Variants in KANSL1L observed in about 807,000 individuals in gnomAD.
KANSL1L encodes the protein KAT8 regulatory NSL complex subunit 1 like.
In KANSL1L, 25 loss-of-function variants were observed where a neutral mutation model predicts 108.6. That is an observed-to-expected ratio of 0.23 (90% CI 0.17 to 0.32). The LOEUF is 0.32. KANSL1L is among the 10% of genes least tolerant of loss of function. KANSL1L has a pLI of 1.00. For synonymous variants in KANSL1L, 405 were observed against 395.1 expected (o/e 1.03, Z -0.30); for missense variants, 1,137 against 1,125.7 (o/e 1.01, Z -0.14).
Position 210,027,285 on chromosome 2 carries a change from AG to A in KANSL1L, c.2451+10del, listed in dbSNP as rs780809596. 2.5e-6 allele frequency: 4 copies of A among 1,580,418 alleles called. No individual in the cohort carries two copies. The African/African-American group carries it at 5.4e-5, about 21-fold the overall frequency. Reference sequence around the variant, plus strand: ...ATGTGCAATTATCCCATTAAATGAAAGGCAGCTTACCTCTTCTTTGCCTAAA... The same window carrying A: ...ATGTGCAATTATCCCATTAAATGAAAGCAGCTTACCTCTTCTTTGCCTAAA... On this transcript the variant is annotated intron_variant, in intron 12 of 14. Coordinates refer to ENST00000281772, the MANE Select transcript of KANSL1L (RefSeq NM_152519.4).
intron 8 of KANSL1L, chr2:210,035,220 A>T (rs1342990705): frequency 1.3e-5 from 2 of 152,214 alleles, no homozygotes; most frequent in African/African-American, 4.8e-5. Context: ...TGTCTTCCAT[A>T]ACTTTCATAA....
intron 14 of KANSL1L, among the ~76,000 whole-genome samples, 186 bp from the exon 15 acceptor site, chr2:210,023,365 T>C (rs570126588): frequency 2.6e-5 from 4 of 152,316 alleles, no homozygotes; most frequent in Middle Eastern, 3.4e-3. Context: ...TTGAGTGACT[T>C]TTGGGATTTA....
chr2:210,167,694 TAAAC>T (rs1288629742), intron 1 of KANSL1L, among the ~76,000 whole-genome samples: 2 of 150,216 alleles, frequency 1.3e-5, no homozygotes, highest in African/African-American at 2.5e-5. Context: ...TTATATAAAA[TAAAC>T]AAAAAGTTCA....
At chr2:210,137,880 A>G (rs1291353355) in intron 2 of KANSL1L, among the ~76,000 whole-genome samples, 1 of 152,068 alleles carries the variant, frequency 6.6e-6, no homozygotes, top group Non-Finnish European at 1.5e-5. Flanking sequence ...AAAACAGAAA[A>G]ATTAGCCAGG....
intron 3 of KANSL1L, 52 bp downstream of exon 3, chr2:210,128,979 T>A (rs774665815): frequency 8.4e-6 from 12 of 1,433,002 alleles, no homozygotes; most frequent in Middle Eastern, 1.8e-4. Flanking sequence ...TGAGAAGGAA[T>A]GAAAACATTA....
chr2:210,145,829 G>A (rs142823711), intron 2 of KANSL1L, among the ~76,000 whole-genome samples: 129 of 152,340 alleles, frequency 8.5e-4, no homozygotes, highest in Non-Finnish European at 1.4e-3. Flanking sequence ...TTTGAGGTGA[G>A]AGTATGCATA....
chr2:210,042,055 A>G (rs935823396), intron 7 of KANSL1L, among the ~76,000 whole-genome samples: 5 of 152,220 alleles, frequency 3.3e-5, no homozygotes, highest in Non-Finnish European at 7.3e-5. Flanking sequence ...CTCCAAAGCA[A>G]TATTATACTT....
chr2:210,023,880 G>A (rs1479865834), intron 14 of KANSL1L, among the ~76,000 whole-genome samples, 153 bp downstream of exon 14: 2 of 152,074 alleles, frequency 1.3e-5, no homozygotes, highest in Non-Finnish European at 2.9e-5. Context: ...AGTTAGTAGT[G>A]GACACAAAAT....
At chr2:210,169,969 C>G (rs540198627) in intron 1 of KANSL1L, among the ~76,000 whole-genome samples, 1 of 152,210 alleles carries the variant, frequency 6.6e-6, no homozygotes, top group East Asian at 1.9e-4. Flanking sequence ...AGACAGAGAC[C>G]ATATTATGAA....
At chr2:210,144,475 T>C (rs912858136) in intron 2 of KANSL1L, among the ~76,000 whole-genome samples, 1 of 152,184 alleles carries the variant, frequency 6.6e-6, no homozygotes, top group African/African-American at 2.4e-5. Context: ...ATCCCATAAA[T>C]CACACAGGCT....
chr2:210,104,208 C>T lies in KANSL1L; in HGVS notation c.1324G>A (p.Gly442Arg). 1.2e-6 allele frequency: 2 copies of T among 1,613,774 alleles called. No homozygotes were observed. The highest frequency in any genetic ancestry group is 1.7e-6 in the Non-Finnish European group (2 of 1,179,774). ...ADQAASLNILGNPQVPQECQD... is the reference protein window; with the variant it reads ...ADQAASLNILRNPQVPQECQD... Reference sequence around the variant, plus strand: ...CACTCCTGGGGAACCTGAGGATTCCCTAGAATGTTTAGTGAAGCTGCTTGG... The same window carrying T: ...CACTCCTGGGGAACCTGAGGATTCCTTAGAATGTTTAGTGAAGCTGCTTGG... The change falls in exon 4 of 15, where the codon GGG becomes AGG. Residue 442 changes from glycine (G) to arginine (R), a missense_variant. Gly to Arg is a moderately radical substitution (Grantham distance 125, BLOSUM62 -2). Transcript: ENST00000281772.
chr2:210,088,122 T>C (rs2094655506), intron 5 of KANSL1L: 1 of 152,226 alleles, frequency 6.6e-6, no homozygotes, highest in African/African-American at 2.4e-5. Flanking sequence ...TGAATTGTTT[T>C]ATAGATATAC....
chr2:210,082,371 A>G (rs2094597352), intron 5 of KANSL1L, among the ~76,000 whole-genome samples: 1 of 152,210 alleles, frequency 6.6e-6, no homozygotes, highest in African/African-American at 2.4e-5. Context: ...ACTAAACTAC[A>G]TTCAGCACTC....
At chr2:210,074,246 CT>C (rs1319542156) in intron 6 of KANSL1L, among the ~76,000 whole-genome samples, 1 of 152,120 alleles carries the variant, frequency 6.6e-6, no homozygotes, top group Non-Finnish European at 1.5e-5. Flanking sequence ...AAAATCCTTT[CT>C]TTCTCTTCAC....
Position 210,021,710 on chromosome 2 carries a change from A to G in KANSL1L, c.*1239T>C, listed in dbSNP as rs932441348. 2.0e-5 allele frequency: 3 copies of G among 152,444 alleles called. No individual in the cohort carries two copies. Among genetic ancestry groups the G allele is most frequent in the Admixed American group, 6.5e-5 (1 of 15,276 alleles). 9.4% of individuals were successfully genotyped at this position (152,444 alleles called of 1,614,324 possible). A position where few individuals can be genotyped will look rare whatever the true frequency, so the allele number is the denominator to read the frequency against. The stretch of plus-strand genomic sequence containing the variant: ...TATTTTCAGTTATGTGGGTAGTACA[A>G]CTTGAGTAACCTTTTTTACATGACA... On this transcript the variant is annotated 3_prime_UTR_variant, in exon 15 of 15. Transcript: ENST00000281772.
rs1316571297 is a variant in KANSL1L, at chr2:210,052,071, C to G, written c.1756-7967G>C. On this transcript the variant is annotated intron_variant, in intron 6 of 14. Transcript: ENST00000281772. ...GGTGGAGAGTGGTGGCACAATCTAT[C>G]AAGACTCACTGCAGCCTCTACTGCC... is the stretch of plus-strand genomic sequence containing the variant. Among the ~76,000 whole-genome samples the G allele has an allele frequency of 1.4e-5, 2 of 145,746 alleles. 1 individual carries two copies. The highest frequency in any genetic ancestry group is 5.1e-5 in the African/African-American group (2 of 39,346).
chr2:210,026,242 T>A (rs1164160473), intron 12 of KANSL1L: 3 of 152,192 alleles, frequency 2.0e-5, no homozygotes, highest in Non-Finnish European at 4.4e-5. Context: ...GAAAGATTGT[T>A]ACTTGACAGA....
chr2:210,135,570 T>A (rs1198456339), intron 2 of KANSL1L, among the ~76,000 whole-genome samples: 4 of 152,072 alleles, frequency 2.6e-5, no homozygotes, highest in East Asian at 1.9e-4. Flanking sequence ...TTATAAATGA[T>A]TGGGTTTATC....
At chr2:210,143,407 A>T (rs2095243818) in intron 2 of KANSL1L, among the ~76,000 whole-genome samples, 1 of 152,126 alleles carries the variant, frequency 6.6e-6, no homozygotes, top group African/African-American at 2.4e-5. Flanking sequence ...CACTGACTAT[A>T]TATGTTTTTA....
Sources: allele counts gnomAD v4.1 joint callset (sites outside exome capture counted in the v4.1 genomes callset), GRCh38; gene constraint gnomAD v4.1.1; transcripts MANE v1.5; gene names NCBI Gene and HGNC (gene_info 2026-07-23, HGNC 2026-07-21).